CAMTA1: variants seen among roughly 807,000 people sequenced by gnomAD.
The protein encoded by CAMTA1 is calmodulin binding transcription activator 1.
CAMTA1 carries 27 observed loss-of-function variants against 170.9 expected under a neutral mutation model. That is an observed-to-expected ratio of 0.16 (90% CI 0.12 to 0.22). The LOEUF (loss-of-function observed/expected upper bound fraction) is 0.22. CAMTA1 is among the 10% of genes least tolerant of loss of function. The probability of loss-of-function intolerance (pLI) is 1.00; values close to 1 mark genes in which losing one functional copy is unlikely to be tolerated. For missense variants in CAMTA1, 1,619 were observed against 2,217.2 expected (o/e 0.73, Z 5.42); for synonymous variants, 833 against 891.5 (o/e 0.93, Z 1.17).
At chr1:7,197,692 T>C (rs1655826632) in intron 4 of CAMTA1, among the ~76,000 whole-genome samples, 1 of 148,950 alleles carries the variant, frequency 6.7e-6, no homozygotes, top group Non-Finnish European at 1.5e-5. Flanking sequence ...TACTTGCTTA[T>C]TTATCTGCTC....
chr1:7,683,402 C>T (rs760815586), intron 11 of CAMTA1, among the ~76,000 whole-genome samples: 1 of 152,260 alleles, frequency 6.6e-6, no homozygotes, highest in African/African-American at 2.4e-5. Flanking sequence ...ATGGTCTTGA[C>T]TTCAAAGAGC....
intron 5 of CAMTA1, among the ~76,000 whole-genome samples, chr1:7,316,278 A>T (rs372400167): frequency 8.5e-5 from 13 of 152,174 alleles, no homozygotes; most frequent in African/African-American, 3.1e-4. Flanking sequence ...GGCCTCTTCT[A>T]TTGACACCAG....
chr1:7,398,354 C>G (rs2089606566), intron 5 of CAMTA1, among the ~76,000 whole-genome samples: 1 of 150,898 alleles, frequency 6.6e-6, no homozygotes, highest in Non-Finnish European at 1.5e-5. Flanking sequence ...TCTCTTTTTA[C>G]AGCTTTTGAT....
intron 1 of CAMTA1, among the ~76,000 whole-genome samples, chr1:6,788,691 A>G (rs1640149159): frequency 6.6e-6 from 1 of 152,028 alleles, no homozygotes; most frequent in African/African-American, 2.4e-5. Flanking sequence ...CGTTTCCTCC[A>G]TGGCCCCATG....
chr1:7,233,324 C>T (rs1029340014), intron 4 of CAMTA1, among the ~76,000 whole-genome samples: 8 of 152,110 alleles, frequency 5.3e-5, no homozygotes, highest in African/African-American at 1.7e-4. Context: ...ATGAGCCAGG[C>T]GCTGGGTGGC....
At chr1:7,600,690 A>G (rs571935251) in intron 6 of CAMTA1, among the ~76,000 whole-genome samples, 30 of 151,950 alleles carry the variant, frequency 2.0e-4, no homozygotes, top group African/African-American at 6.0e-4. Context: ...GACTCTTAAC[A>G]AGCATGCTGC....
At chr1:6,931,717 C>A (rs577986128) in intron 3 of CAMTA1, among the ~76,000 whole-genome samples, 1 of 152,306 alleles carries the variant, frequency 6.6e-6, no homozygotes, top group South Asian at 2.1e-4. Context: ...ACACATACCC[C>A]CACATGCCTG....
intron 6 of CAMTA1, among the ~76,000 whole-genome samples, chr1:7,610,444 A>T (rs899444900): frequency 6.6e-6 from 1 of 152,204 alleles, no homozygotes; most frequent in African/African-American, 2.4e-5. Context: ...TGCAATCCCA[A>T]ACAAGACCAG....
intron 6 of CAMTA1, among the ~76,000 whole-genome samples, chr1:7,536,048 G>A (rs2094545322): frequency 6.6e-6 from 1 of 152,100 alleles, no homozygotes; most frequent in Non-Finnish European, 1.5e-5. Flanking sequence ...GTATAGACTT[G>A]GGCTATAACA....
chr1:6,926,206 G>A (rs1683045844), intron 3 of CAMTA1, among the ~76,000 whole-genome samples: 1 of 152,108 alleles, frequency 6.6e-6, no homozygotes, highest in African/African-American at 2.4e-5. Context: ...CCCCACGTTG[G>A]GAGGGGATGG....
chr1:7,451,274 C>T (rs11807070), intron 5 of CAMTA1, among the ~76,000 whole-genome samples: 2,260 of 152,270 alleles, frequency 0.015, 44 homozygotes, highest in African/African-American at 0.04. Context: ...TTTTGGAAAG[C>T]GGATTTCCAG....
At position 7,457,356 on chromosome 1, in the gene CAMTA1, G is replaced by T. The variant is rs570728498; in HGVS notation, c.439-10474G>T. 9.3e-4 allele frequency among the ~76,000 whole-genome samples: 141 copies of T among 152,036 alleles called. 4 individuals are homozygous for T. In the South Asian group the frequency reaches 0.029, roughly 32 times the overall value. On this transcript the variant is annotated intron_variant, in intron 5 of 22. Transcript: ENST00000303635. The stretch of plus-strand genomic sequence containing the variant: ...CCTCACTCATGTCGTCGTTAGGCCG[G>T]CGGCCGCTTTATTTAGATGTTTCCC...
chr1:6,964,209 T>G (rs1235027658), intron 3 of CAMTA1, among the ~76,000 whole-genome samples: 1 of 151,664 alleles, frequency 6.6e-6, no homozygotes, highest in Non-Finnish European at 1.5e-5. Context: ...CCTGGGTGCC[T>G]GGGTAGGGGT....
At chr1:7,196,888 G>A (rs1260195110) in intron 4 of CAMTA1, among the ~76,000 whole-genome samples, 2 of 152,196 alleles carry the variant, frequency 1.3e-5, no homozygotes, top group Admixed American at 1.3e-4. Context: ...TCAGTCCTCG[G>A]TTGTAATGAA....
At chr1:7,284,189 A>C (rs144559523) in intron 5 of CAMTA1, among the ~76,000 whole-genome samples, 11,711 of 114,512 alleles carry the variant, frequency 0.1, 501 homozygotes, top group East Asian at 0.2. Context: ...TATTATTATT[A>C]TTATTATTAT....
At chr1:6,947,188 C>G (rs770378101) in intron 3 of CAMTA1, among the ~76,000 whole-genome samples, 1 of 152,112 alleles carries the variant, frequency 6.6e-6, no homozygotes, top group Non-Finnish European at 1.5e-5. Flanking sequence ...CCCTTATGCC[C>G]GTACCACACT....
At chr1:7,119,463 G>A (rs1450591145) in intron 4 of CAMTA1, among the ~76,000 whole-genome samples, 5 of 152,122 alleles carry the variant, frequency 3.3e-5, no homozygotes, top group Non-Finnish European at 7.4e-5. Flanking sequence ...GAACAGCGGG[G>A]GGCATCATTT....
intron 4 of CAMTA1, among the ~76,000 whole-genome samples, chr1:7,208,362 GCACA>G (rs1218613347): frequency 6.6e-6 from 1 of 152,160 alleles, no homozygotes; most frequent in South Asian, 2.1e-4. Context: ...CAGTCAAAAT[GCACA>G]CACACACAAA....
At chr1:7,244,264 G>A (rs1665389049) in intron 4 of CAMTA1, among the ~76,000 whole-genome samples, 1 of 152,216 alleles carries the variant, frequency 6.6e-6, no homozygotes, top group South Asian at 2.1e-4. Flanking sequence ...AGGATGTGGA[G>A]AAATAGGAAC....
Sources: gnomAD v4.1 joint callset for allele counts (sites outside exome capture counted in the v4.1 genomes callset) on GRCh38, gnomAD v4.1.1 for gene constraint, MANE v1.5 for transcripts, NCBI Gene and HGNC (gene_info 2026-07-23, HGNC 2026-07-21) for gene names.